Variants in ASAP2 observed in about 807,000 individuals in gnomAD.
The protein encoded by ASAP2 is arf-GAP with SH3 domain, ANK repeat and PH domain-containing protein 2.
ASAP2 carries 45 observed loss-of-function variants against 131.4 expected under a neutral mutation model. The observed-to-expected ratio is 0.34, with a 90% CI of 0.27 to 0.44. The LOEUF is 0.44. Among genes scored for constraint, ASAP2 ranks in the 20% least tolerant of loss-of-function variants. The pLI is 1.00. For synonymous variants in ASAP2, 510 were observed against 503.0 expected (o/e 1.01, Z -0.19); for missense variants, 1,011 against 1,297.0 (o/e 0.78, Z 3.39).
At chr2:9,305,528 GGGGCTGT>G (rs1668844651) in intron 3 of ASAP2, among the ~76,000 whole-genome samples, 2 of 145,158 alleles carry the variant, frequency 1.4e-5, no homozygotes, top group African/African-American at 5.1e-5. Flanking sequence ...TATTGGTGGA[GGGGCTGT>G]AATAGTGGGG....
chr2:9,325,573 A>G (rs1271678207), intron 6 of ASAP2, among the ~76,000 whole-genome samples: 2 of 152,234 alleles, frequency 1.3e-5, no homozygotes, highest in Non-Finnish European at 2.9e-5. Flanking sequence ...GAATTTTGAC[A>G]TTCAAGTAGT....
At chr2:9,270,421 A>ATT (rs201380277) in intron 1 of ASAP2, among the ~76,000 whole-genome samples, 1 of 151,524 alleles carries the variant, frequency 6.6e-6, no homozygotes, top group East Asian at 1.9e-4. Context: ...AGATTTCAGT[A>ATT]TTTTTTTTTA....
At chr2:9,279,477 A>T in intron 2 of ASAP2, 88 bp downstream of exon 2, 1 of 1,255,734 alleles carries the variant, frequency 8.0e-7, no homozygotes, top group South Asian at 1.2e-5. Context: ...CCATTAACAA[A>T]TGAGCCAGCT....
chr2:9,247,423 T>C (rs1664413344), intron 1 of ASAP2, among the ~76,000 whole-genome samples: 1 of 152,256 alleles, frequency 6.6e-6, no homozygotes, highest in African/African-American at 2.4e-5. Flanking sequence ...GCCTGCCTAA[T>C]AGGATATTGC....
intron 1 of ASAP2, among the ~76,000 whole-genome samples, chr2:9,270,255 CCGTGAAAGTTG>C (rs911850428): frequency 6.6e-6 from 1 of 152,102 alleles, no homozygotes; most frequent in African/African-American, 2.4e-5. Flanking sequence ...ACATAAGTTC[CCGTGAAAGTTG>C]CTTTTCCCCC....
In ASAP2 at chr2:9,404,502, G is replaced by A. The variant is rs1302941272; in HGVS notation, c.*1175G>A. The A allele has an allele frequency of 6.6e-6, 1 of 152,214 alleles. No homozygotes were observed. The highest frequency in any genetic ancestry group is 1.5e-5 in the Non-Finnish European group (1 of 68,034). The allele number at this position is 152,214 out of a possible 1,614,324, so 9.4% of individuals were successfully genotyped here. On this transcript the variant is annotated 3_prime_UTR_variant, in exon 28 of 28. Transcript: ENST00000281419. ...CAAAACTCATTCGTTTAATGAACTT[G>A]ACTGTCATACCTCTATTTAGTAATT...
At chr2:9,390,140 G>T (rs982004614) in intron 22 of ASAP2, among the ~76,000 whole-genome samples, 1 of 151,934 alleles carries the variant, frequency 6.6e-6, no homozygotes, top group Admixed American at 6.6e-5. Flanking sequence ...TCTTTTTGCC[G>T]TTCCTGTCCC....
At chr2:9,317,651 CACTT>C (rs1274426863) in intron 3 of ASAP2, among the ~76,000 whole-genome samples, 6 of 151,296 alleles carry the variant, frequency 4.0e-5, no homozygotes, top group Non-Finnish European at 7.4e-5. Context: ...CACATTTACA[CACTT>C]ACACAATCAC....
chr2:9,328,435 T>TAAA (rs905800293), intron 7 of ASAP2, among the ~76,000 whole-genome samples: 1 of 152,244 alleles, frequency 6.6e-6, no homozygotes, highest in Non-Finnish European at 1.5e-5. Flanking sequence ...GCTCTTTTTG[T>TAAA]AGAGGGACAA....
intron 1 of ASAP2, among the ~76,000 whole-genome samples, chr2:9,261,524 C>G (rs1357981805): frequency 6.6e-6 from 1 of 152,194 alleles, no homozygotes; most frequent in Non-Finnish European, 1.5e-5. Context: ...GAGTTGGGCC[C>G]TAGGTGTGAT....
At chr2:9,316,951 ACCCT>A (rs1354815372) in intron 3 of ASAP2, among the ~76,000 whole-genome samples, 18 of 76,386 alleles carry the variant, frequency 2.4e-4, no homozygotes, top group Middle Eastern at 6.8e-3. Flanking sequence ...TCACTCTCAC[ACCCT>A]CCCACACACC....
At chr2:9,375,517 A>AT (rs1419640197) in intron 17 of ASAP2, among the ~76,000 whole-genome samples, 2 of 152,216 alleles carry the variant, frequency 1.3e-5, no homozygotes, top group Admixed American at 1.3e-4. Flanking sequence ...TAACATATCC[A>AT]TTACCTCACA....
chr2:9,326,688 A>G (rs1382224903), intron 6 of ASAP2, among the ~76,000 whole-genome samples: 1 of 152,204 alleles, frequency 6.6e-6, no homozygotes, highest in African/African-American at 2.4e-5. Context: ...CTGATGCTTT[A>G]TAACCTATTT....
At chr2:9,368,643 C>G (rs1673672710) in intron 16 of ASAP2, 124 bp downstream of exon 16, 1 of 755,802 alleles carries the variant, frequency 1.3e-6, no homozygotes, top group Non-Finnish European at 2.2e-6. Context: ...AATAAATCAG[C>G]CTATGTTGGG....
Position 9,374,904 on chromosome 2 carries a change from G to A in ASAP2, c.1706G>A (p.Gly569Asp). 6.2e-7 allele frequency: 1 copy of A among 1,612,848 alleles called. No homozygotes were observed. Among genetic ancestry groups the A allele is most frequent in the Non-Finnish European group, 8.5e-7 (1 of 1,179,602 alleles). The change falls in exon 17 of 28, where the codon GGT becomes GAT. Residue 569 changes from glycine to aspartate, a missense_variant. Around this residue, in one of 2 missense-constraint regions of ASAP2, gnomAD observed 652 missense variants for 698.9 expected, o/e 0.93. Coordinates refer to ENST00000281419, the MANE Select transcript of ASAP2 (RefSeq NM_003887.3). The part of the protein sequence containing the change: ...IFGLLQAYAD[G>D]VDLTEKIPLA... ...GGATTGCTCCAAGCTTATGCTGATG[G>A]TGTGGATCTTACGGAAAAAATCCCA...
Position 9,317,008 on chromosome 2 carries a change from A to G in ASAP2, c.346-1516A>G, listed in dbSNP as rs555212021. On this transcript the variant is annotated intron_variant, in intron 3 of 27. Coordinates refer to ENST00000281419, the MANE Select transcript of ASAP2 (RefSeq NM_003887.3). The stretch of plus-strand genomic sequence containing the variant: ...ATGTCCACTCTCATACACTCTCACA[A>G]CCACACTCACACAACATGCAATCAT... Among the ~76,000 whole-genome samples, 35 of 135,052 alleles carry G rather than the reference A, an allele frequency of 2.6e-4. No homozygotes were observed. The East Asian group carries it at 6.9e-3, about 27-fold the overall frequency. 88.6% of individuals were successfully genotyped at this position (135,052 alleles called of 152,430 possible). A position where few individuals can be genotyped will look rare whatever the true frequency, so the allele number is the denominator to read the frequency against.
intron 20 of ASAP2, among the ~76,000 whole-genome samples, chr2:9,382,552 C>T (rs543821789): frequency 1.3e-5 from 2 of 152,204 alleles, no homozygotes; most frequent in African/African-American, 4.8e-5. Context: ...TTTTCTACAG[C>T]GTTTAATTCT....
intron 3 of ASAP2, among the ~76,000 whole-genome samples, chr2:9,309,050 G>A (rs148342436): frequency 5.9e-5 from 9 of 152,238 alleles, no homozygotes; most frequent in African/African-American, 1.9e-4. Context: ...GGCCCAGAGC[G>A]CACTTCCCCC....
intron 11 of ASAP2, among the ~76,000 whole-genome samples, chr2:9,347,136 G>C (rs1388626083): frequency 6.6e-6 from 1 of 152,222 alleles, no homozygotes; most frequent in African/African-American, 2.4e-5. Context: ...GGGCTGTCTT[G>C]ATTCACTTCC....
Sources: gnomAD v4.1 joint callset for allele counts (sites outside exome capture counted in the v4.1 genomes callset) on GRCh38, gnomAD v4.1.1 for gene constraint, gnomAD v4.1.1 regional missense constraint, MANE v1.5 for transcripts, NCBI Gene and HGNC (gene_info 2026-07-23, HGNC 2026-07-21) for gene names.